The following MUC5B variants were observed in gnomAD, a reference collection of about 807,000 sequenced individuals.
MUC5B encodes the protein mucin-5B.
MUC5B carries 116 observed loss-of-function variants against 376.9 expected under a neutral mutation model. The ratio of observed to expected loss-of-function variants is 0.31; its 90% confidence interval spans 0.26 to 0.36. MUC5B has a LOEUF of 0.36. Ranked by LOEUF, MUC5B falls within the 10% of genes least tolerant of loss-of-function variation. MUC5B has a pLI of 1.00. For synonymous variants in MUC5B, 3,517 were observed against 3,390.9 expected, an observed-to-expected ratio of 1.04 and a Z score of -1.29; for missense variants, 7,165 against 7,769.9, an observed-to-expected ratio of 0.92 and a Z score of 2.93.
In MUC5B at chr11:1,251,055, C is replaced by T. The variant is rs750127346; in HGVS notation, c.14175C>T (p.Ser4725=). 2 of 1,611,506 alleles carry T rather than the reference C, an allele frequency of 1.2e-6. No homozygotes were observed. The highest frequency in any genetic ancestry group is 8.5e-7 in the Non-Finnish European group (1 of 1,178,306). Residue 4725 remains serine (S), a synonymous_variant, in exon 31 of 49, where the codon TCC becomes TCT. Transcript: ENST00000529681. ...TPAATSSKAT[S]SSSPRTATTL... The stretch of plus-strand genomic sequence containing the variant: ...CAGCCACCAGCTCCAAAGCCACTTC[C>T]TCCTCCAGTCCAAGGACTGCAACCA...
chr11:1,256,834 G>C, intron 39 of MUC5B, 63 bp downstream of exon 39: 2 of 1,333,250 alleles, frequency 1.5e-6, no homozygotes, highest in Non-Finnish European at 2.0e-6. Context: ...CACAGGGTGG[G>C]AGGAGCCGCC....
intron 2 of MUC5B, 142 bp downstream of exon 2, chr11:1,225,879 A>C (rs1770869779): frequency 1.3e-6 from 1 of 794,532 alleles, no homozygotes; most frequent in African/African-American, 1.7e-5. Flanking sequence ...GACAATACCC[A>C]GCACCCGAGG....
rs540425172 is a variant in MUC5B at position 1,254,912 on chromosome 11, G to A, written c.15664+32G>A. 7.5e-6 allele frequency: 12 copies of A among 1,594,144 alleles called. No homozygotes were observed. In the Admixed American group the frequency reaches 8.6e-5, roughly 11 times the overall value. On this transcript the variant is annotated intron_variant, in intron 35 of 48. Coordinates refer to ENST00000529681, the MANE Select transcript of MUC5B (RefSeq NM_002458.3). ...GGGCGGCGGGTCCTGCCCCGGCCAG[G>A]GCTGCTGCTGGGCCTGACAACCCAG...
At position 1,255,215 on chromosome 11, in the gene MUC5B, C is replaced by T; in HGVS notation, c.15839C>T (p.Pro5280Leu). 1.3e-6 allele frequency: 2 copies of T among 1,537,514 alleles called. No homozygotes were observed. Among genetic ancestry groups the T allele is most frequent in the Non-Finnish European group, 1.8e-6 (2 of 1,136,984 alleles). Residue 5280 changes from proline to leucine, a missense_variant, in exon 36 of 49, where the codon CCC (proline) becomes CTC (leucine). Around this residue, in one of 31 missense-constraint regions of MUC5B, gnomAD observed 842 missense variants for 1,016.9 expected, o/e 0.83. Coordinates refer to ENST00000529681, the MANE Select transcript of MUC5B (RefSeq NM_002458.3). ...ASPAAPVSST[P>L]TPTPCPPQPL... ...CCCGCAGCCCCGGTGTCTAGCACAC[C>T]CACCCCCACCCCATGCCCACCACAG... is the stretch of plus-strand genomic sequence containing the variant.
chr11:1,259,916 C>T, intron 45 of MUC5B, 47 bp from the exon 46 acceptor site: 2 of 1,612,486 alleles, frequency 1.2e-6, no homozygotes, highest in Non-Finnish European at 1.7e-6. Context: ...GGGCTCTGCA[C>T]AAGAGGTAAT....
rs970042183 is a variant in MUC5B, at chr11:1,244,968, G to A, written c.8088G>A (p.Thr2696=). 21 of 1,561,974 alleles carry A rather than the reference G, an allele frequency of 1.3e-5. No homozygotes were observed. The highest frequency in any genetic ancestry group is 7.8e-5 in the Admixed American group (4 of 51,546). Residue 2696 remains threonine (T), a synonymous_variant, in exon 31 of 49, where the codon ACG becomes ACA. Transcript: ENST00000529681. ...CATCACTGACCACCACGGCCACTACGATCACGGCCACCGGCTCCACCACCA... is the reference window on the plus strand; with the variant it reads ...CATCACTGACCACCACGGCCACTACAATCACGGCCACCGGCTCCACCACCA... ...TPPSLTTTAT[T]ITATGSTTNP...
At chr11:1,259,925 AT>A (rs1209781969) in intron 45 of MUC5B, 37 bp from the exon 46 acceptor site, 1 of 1,612,506 alleles carries the variant, frequency 6.2e-7, no homozygotes, top group East Asian at 2.2e-5. Context: ...ACAAGAGGTA[AT>A]CCCTACTCAG....
rs748011363 is a variant in MUC5B at position 1,236,542 on chromosome 11, C to T, written c.3037C>T (p.Arg1013Ter). The T allele has an allele frequency of 1.2e-6, 2 of 1,612,872 alleles. No homozygotes were observed. Among genetic ancestry groups the T allele is most frequent in the Non-Finnish European group, 1.7e-6 (2 of 1,179,802 alleles). Residue 1013 changes from arginine to a stop codon, truncating the protein, a stop_gained, in exon 24 of 49, where the codon CGA becomes TGA. Transcript: ENST00000529681. LOFTEE classifies it high-confidence loss of function. ...GGACCGGAAGACCAGCGTGTTCATC[C>T]GACTGCACCAGGACTACAAGGTGAG... ...SWDRKTSVFI[R>*]LHQDYKGRVC...
In MUC5B at chr11:1,239,519, G is replaced by A; in HGVS notation, c.3536G>A (p.Cys1179Tyr). 6.2e-7 allele frequency: 1 copy of A among 1,603,118 alleles called. No individual in the cohort carries two copies. Among genetic ancestry groups the A allele is most frequent in the Non-Finnish European group, 8.5e-7 (1 of 1,172,386 alleles). ...QPCGAPCLKT[C>Y]RNPSGHCLVD... ...TGCGGGGCACCCTGCCTAAAAACCT[G>A]CCGGAACCCCAGTGGGCACTGCCTG... Residue 1179 changes from cysteine (C) to tyrosine (Y), a missense_variant, in exon 27 of 49, where the codon TGC becomes TAC. Coordinates refer to ENST00000529681, the MANE Select transcript of MUC5B (RefSeq NM_002458.3).
rs771152025 is a variant in MUC5B at position 1,242,205 on chromosome 11, C to T, written c.5325C>T (p.Thr1775=). 6.2e-7 allele frequency: 1 copy of T among 1,613,652 alleles called. No individual in the cohort carries two copies. Among genetic ancestry groups the T allele is most frequent in the Non-Finnish European group, 8.5e-7 (1 of 1,179,876 alleles). Residue 1775 remains threonine (T), a synonymous_variant, in exon 31 of 49, where the codon ACC becomes ACT. Coordinates refer to ENST00000529681, the MANE Select transcript of MUC5B (RefSeq NM_002458.3). ...CGACAATGAGCCCCTTGACTAACACCACCACCAGCCAGGGCACGACCCGCT... is the reference window on the plus strand; with the variant it reads ...CGACAATGAGCCCCTTGACTAACACTACCACCAGCCAGGGCACGACCCGCT... ...TETTMSPLTN[T]TTSQGTTRCQ... is the part of the protein sequence containing the mutation.
Position 1,236,391 on chromosome 11 carries a change from C to T in MUC5B, c.2886C>T (p.Tyr962=), listed in dbSNP as rs767087873. 31 of 1,608,576 alleles carry T rather than the reference C, an allele frequency of 1.9e-5. No homozygotes were observed. Among genetic ancestry groups the T allele is most frequent in the Middle Eastern group, 1.6e-4 (1 of 6,074 alleles). The change falls in exon 24 of 49, where the codon TAC becomes TAT. Residue 962 remains tyrosine, a synonymous_variant. Coordinates refer to ENST00000529681, the MANE Select transcript of MUC5B (RefSeq NM_002458.3). ...AGCGTCTGCCTCCCCTGCAGAGCTA[C>T]GAGCTGATCCTCCAAGAGGGGACCT... ...SKAIKLFVES[Y]ELILQEGTFK...
Position 1,227,098 on chromosome 11 carries a change from A to T in MUC5B, c.529A>T (p.Ile177Phe). ...EQSGDYIKVS[I>F]RLVLTFLWNG... ...GAGCGGGGACTACATCAAGGTCAGC[A>T]TCCGGCTGGTGCTGACATTCCTGTG... The change falls in exon 5 of 49, where the codon ATC becomes TTC. Residue 177 changes from isoleucine (I) to phenylalanine (F), a missense_variant. Around this residue, in one of 31 missense-constraint regions of MUC5B, gnomAD observed 640 missense variants for 733.0 expected, o/e 0.87. Transcript: ENST00000529681. The T allele has an allele frequency of 6.2e-7, 1 of 1,612,518 alleles. No individual in the cohort carries two copies. Among genetic ancestry groups the T allele is most frequent in the Non-Finnish European group, 8.5e-7 (1 of 1,179,736 alleles).
chr11:1,232,626 T>G lies in MUC5B; in HGVS notation c.1939-18T>G. 1.3e-6 allele frequency: 2 copies of G among 1,598,608 alleles called. No individual in the cohort carries two copies. The highest frequency in any genetic ancestry group is 1.1e-5 in the South Asian group (1 of 88,994). ...CAGGCTGGGGTCCCTGACGCCCCGA[T>G]GCCTCCCACCTCCGCAGAACTGCAT... On this transcript the variant is annotated intron_variant, in intron 16 of 48. Transcript: ENST00000529681.
chr11:1,240,373 C>A lies in MUC5B; in HGVS notation c.3968C>A (p.Thr1323Lys). ...ACCGCCTGGGTCCCCCACTCCACGA[C>A]AAGTAAGCCCTGCCTGGCTCTCCTG... ...FTTAWVPHST[T>K]SPALPVSTVC... The change falls in exon 30 of 49, where the codon ACA becomes AAA. Residue 1323 changes from threonine (T) to lysine (K), a missense_variant and splice_region_variant. Around this residue, in one of 31 missense-constraint regions of MUC5B, gnomAD observed 517 missense variants for 545.3 expected, o/e 0.95. Coordinates refer to ENST00000529681, the MANE Select transcript of MUC5B (RefSeq NM_002458.3). 6.3e-7 allele frequency: 1 copy of A among 1,592,458 alleles called. No homozygotes were observed. The highest frequency in any genetic ancestry group is 1.1e-5 in the South Asian group (1 of 88,392).
chr11:1,236,010 C>T (rs573343071), intron 23 of MUC5B, among the ~76,000 whole-genome samples: 1 of 152,330 alleles, frequency 6.6e-6, no homozygotes, highest in Admixed American at 6.5e-5. Context: ...GATAAAGCAG[C>T]GCCGCTGGCC....
chr11:1,242,836 T>C lies in MUC5B; in HGVS notation c.5956T>C (p.Ser1986Pro), dbSNP rs1564940016. 13 of 1,607,108 alleles carry C rather than the reference T, an allele frequency of 8.1e-6. No individual in the cohort carries two copies. Among genetic ancestry groups the C allele is most frequent in the Non-Finnish European group, 9.3e-6 (11 of 1,178,404 alleles). ...TACCAGCGTTACACCCATCCCCTCT[T>C]CCTCCCTGGGCACCACCTGGACCCG... The part of the protein sequence containing the change: ...TATSVTPIPS[S>P]SLGTTWTRLS... The change falls in exon 31 of 49, where the codon TCC becomes CCC. Residue 1986 changes from serine to proline, a missense_variant. Transcript: ENST00000529681.
rs770344283 is a variant in MUC5B at position 1,250,812 on chromosome 11, G to T, written c.13932G>T (p.Gly4644=). ...CGGTGACCCCCTCCTCCATCCCGGG[G>T]ACCACCCACACCGCCAGAGTGCTGA... ...GSTVTPSSIP[G]TTHTARVLTT... is the part of the protein sequence containing the mutation. The change falls in exon 31 of 49, where the codon GGG becomes GGT. Residue 4644 remains glycine, a synonymous_variant. Coordinates refer to ENST00000529681, the MANE Select transcript of MUC5B (RefSeq NM_002458.3). 5.6e-6 allele frequency: 9 copies of T among 1,613,088 alleles called. No homozygotes were observed. The African/African-American group carries it at 1.1e-4, about 19-fold the overall frequency.
At chr11:1,256,277 G>A (rs539237661) in intron 38 of MUC5B, 52 bp downstream of exon 38, 41 of 713,014 alleles carry the variant, frequency 5.8e-5, no homozygotes, top group African/African-American at 8.7e-5. Flanking sequence ...CTGCCTGACC[G>A]GTCTGGGGGA....
In MUC5B at chr11:1,240,265, C is replaced by G. The variant is rs1244832747; in HGVS notation, c.3860C>G (p.Ala1287Gly). ...TTDGLGACLI[A>G]ICGSNGTIIR... The stretch of plus-strand genomic sequence containing the variant: ...GATGGGCTTGGCGCCTGCTTGATCG[C>G]CATCTGCGGAAGCAACGGCACCATC... The change falls in exon 30 of 49, where the codon GCC (alanine) becomes GGC (glycine). Residue 1287 changes from alanine (A) to glycine (G), a missense_variant. Ala to Gly is a moderately conservative substitution (Grantham distance 60). Around this residue, in one of 31 missense-constraint regions of MUC5B, gnomAD observed 517 missense variants for 545.3 expected, o/e 0.95. Coordinates refer to ENST00000529681, the MANE Select transcript of MUC5B (RefSeq NM_002458.3). 1.2e-6 allele frequency: 2 copies of G among 1,613,714 alleles called. No homozygotes were observed. The highest frequency in any genetic ancestry group is 2.2e-5 in the South Asian group (2 of 91,086).
Sources: allele counts gnomAD v4.1 joint callset (sites outside exome capture counted in the v4.1 genomes callset), GRCh38; gene constraint gnomAD v4.1.1; regional missense constraint gnomAD v4.1.1; transcripts MANE v1.5; gene names NCBI Gene and HGNC (gene_info 2026-07-23, HGNC 2026-07-21).